Variants in RELN observed in about 807,000 individuals in gnomAD.
RELN encodes reelin.
RELN carries 108 observed loss-of-function variants against 427.6 expected under a neutral mutation model. The ratio of observed to expected loss-of-function variants is 0.25; its 90% CI spans 0.22 to 0.30. The LOEUF (loss-of-function observed/expected upper bound fraction) is 0.30, where lower values mean the gene tolerates loss of function less well. RELN is among the 10% of genes least tolerant of loss of function. The pLI is 1.00. For synonymous variants in RELN, 1,524 were observed against 1,513.4 expected, an observed-to-expected ratio of 1.01 and a Z score of -0.16; for missense variants, 3,715 against 4,302.8, an observed-to-expected ratio of 0.86 and a Z score of 3.82.
chr7:103,639,325 A>G (rs916799608), intron 17 of RELN, among the ~76,000 whole-genome samples: 3 of 152,156 alleles, frequency 2.0e-5, no homozygotes, highest in Non-Finnish European at 4.4e-5. Context: ...ATAGTTAGAA[A>G]GTTAAAAAGC....
chr7:103,832,899 A>G (rs1793308741), intron 3 of RELN, among the ~76,000 whole-genome samples: 1 of 152,160 alleles, frequency 6.6e-6, no homozygotes, highest in South Asian at 2.1e-4. Flanking sequence ...ATAAGGCCTT[A>G]TAGCATTTTG....
rs572436853 is a variant in RELN at position 103,805,135 on chromosome 7, A to T, written c.473+28402T>A. Among the ~76,000 whole-genome samples, 58 of 152,242 alleles carry T rather than the reference A, an allele frequency of 3.8e-4. No homozygotes were observed. The South Asian group carries it at 0.011, about 29-fold the overall frequency. On this transcript the variant is annotated intron_variant, in intron 3 of 64. Transcript: ENST00000428762. ...TCTGCTCTTGATTTTGCCACTAACA[A>T]TCTGGCTGAGTGAACTTGGGTAAAT...
intron 3 of RELN, among the ~76,000 whole-genome samples, chr7:103,828,906 A>G (rs752906791): frequency 4.7e-4 from 71 of 152,070 alleles, no homozygotes; most frequent in Non-Finnish European, 1.9e-4. Context: ...TCGTTGTATG[A>G]CTATTGTATT....
At chr7:103,698,539 G>T (rs1417760016) in intron 9 of RELN, among the ~76,000 whole-genome samples, 1 of 152,098 alleles carries the variant, frequency 6.6e-6, no homozygotes, top group Middle Eastern at 3.4e-3. Context: ...TTTGAGACAG[G>T]GTCTTGCTCT....
intron 10 of RELN, among the ~76,000 whole-genome samples, chr7:103,682,934 AT>A (rs71819287): frequency 0.035 from 5,296 of 151,812 alleles, 304 homozygotes; most frequent in African/African-American, 0.12. Context: ...TTCTAAAGAA[AT>A]TTTTTTTTCA....
At chr7:103,732,454 ATAAAG>A (rs1790377879) in intron 6 of RELN, among the ~76,000 whole-genome samples, 1 of 152,052 alleles carries the variant, frequency 6.6e-6, no homozygotes, top group African/African-American at 2.4e-5. Context: ...TTTTCTATCA[ATAAAG>A]TATTGTACAA....
chr7:103,592,291 T>C (rs1166771301), intron 27 of RELN, among the ~76,000 whole-genome samples: 1 of 152,232 alleles, frequency 6.6e-6, no homozygotes, highest in East Asian at 1.9e-4. Flanking sequence ...ATGTGGCATC[T>C]GTTTTTCTGT....
chr7:103,765,265 G>A (rs957506154), intron 4 of RELN, among the ~76,000 whole-genome samples: 3 of 152,206 alleles, frequency 2.0e-5, no homozygotes, highest in African/African-American at 7.2e-5. Flanking sequence ...GCTCAGAGGA[G>A]ATGAGAGGAA....
At chr7:103,814,633 G>A in intron 3 of RELN, among the ~76,000 whole-genome samples, 1 of 152,082 alleles carries the variant, frequency 6.6e-6, no homozygotes, top group East Asian at 1.9e-4. Context: ...CAGATGGAGA[G>A]CAGAAGGGTG....
chr7:103,677,454 A>AT, intron 11 of RELN, among the ~76,000 whole-genome samples: 1 of 143,970 alleles, frequency 6.9e-6, no homozygotes, highest in South Asian at 2.2e-4. Context: ...AATAATAATA[A>AT]AAAGAACAAC....
At chr7:103,543,700 C>T (rs551568545) in intron 42 of RELN, among the ~76,000 whole-genome samples, 2 of 151,550 alleles carry the variant, frequency 1.3e-5, no homozygotes, top group Non-Finnish European at 2.9e-5. Flanking sequence ...CTTTAAAAAC[C>T]AGCTCTTAAA....
At chr7:103,584,844 C>T (rs763230562) in intron 28 of RELN, among the ~76,000 whole-genome samples, 2 of 152,112 alleles carry the variant, frequency 1.3e-5, no homozygotes, top group East Asian at 1.9e-4. Flanking sequence ...TTTTAAAAAT[C>T]GAAATTATAG....
In RELN at chr7:103,553,530, A is replaced by T; in HGVS notation, c.6003T>A (p.Asn2001Lys). The change falls in exon 40 of 65, where the codon AAT (asparagine) becomes AAA (lysine). Residue 2001 changes from asparagine (N) to lysine (K), a missense_variant. Asn to Lys is a moderately conservative substitution (Grantham distance 94). Coordinates refer to ENST00000428762, the MANE Select transcript of RELN (RefSeq NM_005045.4). ...EEDSAMVFVSNEVGEHSITTR... is the reference protein window; with the variant it reads ...EEDSAMVFVSKEVGEHSITTR... ...TGGTAATGGAATGCTCACCAACTTCATTTGAAACAAACACCATAGCTGAAT... is the reference window on the plus strand; with the variant it reads ...TGGTAATGGAATGCTCACCAACTTCTTTTGAAACAAACACCATAGCTGAAT... 6.2e-7 allele frequency: 1 copy of T among 1,614,120 alleles called. No individual in the cohort carries two copies.
chr7:103,623,256 C>T (rs1023122372), intron 20 of RELN, among the ~76,000 whole-genome samples: 6 of 152,198 alleles, frequency 3.9e-5, no homozygotes, highest in Non-Finnish European at 7.4e-5. Context: ...AGCCATCTCA[C>T]CCGGACTGAC....
intron 22 of RELN, among the ~76,000 whole-genome samples, chr7:103,606,263 GA>G (rs1311758240): frequency 6.6e-6 from 1 of 152,208 alleles, no homozygotes; most frequent in Non-Finnish European, 1.5e-5. Flanking sequence ...CACAGGAACA[GA>G]ATAAAGTAGG....
At chr7:103,819,576 G>A (rs75054519) in intron 3 of RELN, among the ~76,000 whole-genome samples, 14,446 of 152,040 alleles carry the variant, frequency 0.095, 833 homozygotes, top group Non-Finnish European at 0.13. Flanking sequence ...TTTGATCTTT[G>A]GAGAGGTCAT....
chr7:103,624,508 C>T (rs1282386564), intron 20 of RELN, among the ~76,000 whole-genome samples: 2 of 152,282 alleles, frequency 1.3e-5, no homozygotes, highest in South Asian at 4.2e-4. Flanking sequence ...CTCACTGCAA[C>T]CTCTGCCTCC....
intron 64 of RELN, 86 bp from the exon 65 acceptor site, chr7:103,472,994 G>A (rs781713797): frequency 2.8e-6 from 3 of 1,074,746 alleles, no homozygotes; most frequent in Non-Finnish European, 2.9e-6. Flanking sequence ...TCTATTCTAG[G>A]TCCTAAGTTA....
chr7:103,642,741 T>G (rs1832719418), intron 16 of RELN, among the ~76,000 whole-genome samples: 1 of 152,112 alleles, frequency 6.6e-6, no homozygotes, highest in African/African-American at 2.4e-5. Context: ...TCATTATTGG[T>G]TTCTAAACCA....
Sources: gnomAD v4.1 joint callset for allele counts (sites outside exome capture counted in the v4.1 genomes callset) on GRCh38, gnomAD v4.1.1 for gene constraint, MANE v1.5 for transcripts, NCBI Gene and HGNC (gene_info 2026-07-23, HGNC 2026-07-21) for gene names.